Variants in ZBED6 observed in about 807,000 individuals in gnomAD.
The protein encoded by ZBED6 is zinc finger BED-type containing 6, also known as zinc finger BED domain-containing protein 6.
ZBED6 carries 40 observed loss-of-function variants against 58.4 expected under a neutral mutation model. That is an observed-to-expected ratio of 0.68 (90% CI 0.53 to 0.89). The LOEUF (loss-of-function observed/expected upper bound fraction) is 0.89, where lower values mean the gene tolerates loss of function less well. ZBED6 is among the 40% of genes least tolerant of loss of function. ZBED6 has a pLI of 0.00. For missense variants in ZBED6, 1,057 were observed against 1,003.9 expected (o/e 1.05, Z -0.71); for synonymous variants, 439 against 350.6 (o/e 1.25, Z -2.82).
At chr1:203,835,149 T>C (rs1038222727) in intron 9 of ZBED6, among the ~76,000 whole-genome samples, 5 of 152,250 alleles carry the variant, frequency 3.3e-5, no homozygotes, top group Non-Finnish European at 5.9e-5. Context: ...GAATCAGTTA[T>C]GCACTTTACG....
At chr1:203,830,339 T>C (rs1681851222) in intron 7 of ZBED6, 136 bp downstream of exon 7, 5 of 713,654 alleles carry the variant, frequency 7.0e-6, no homozygotes, top group Middle Eastern at 2.5e-4. Flanking sequence ...CACAGACTTA[T>C]TTAAATTGTG....
At chr1:203,806,310 T>C in intron 1 of ZBED6, 2 of 216,888 alleles carry the variant, frequency 9.2e-6, no homozygotes, top group South Asian at 1.1e-4. Context: ...TCTTTTTCCT[T>C]TTTTTTTTTG....
chr1:203,819,266 C>T (rs540813742), intron 3 of ZBED6, among the ~76,000 whole-genome samples: 16 of 148,138 alleles, frequency 1.1e-4, no homozygotes, highest in Middle Eastern at 3.5e-3. Flanking sequence ...CTGTCGCCCA[C>T]GCTGGAGTGC....
rs1169537860 is a variant in ZBED6 at position 203,847,518 on chromosome 1, T to A, written c.*4076T>A. The A allele has an allele frequency of 7.4e-6, 12 of 1,613,806 alleles. No individual in the cohort carries two copies. The African/African-American group carries it at 1.2e-4, about 16-fold the overall frequency. On this transcript the variant is annotated 3_prime_UTR_variant, in exon 12 of 17. Transcript: ENST00000550078. ...CCAGCAGAGGACAATCAGAGGAGCC[T>A]GCAGGTAAAACAAAGTCTATGCAGG...
At position 203,838,076 on chromosome 1, in the gene ZBED6, C is replaced by G; in HGVS notation, c.*3672+12C>G. On this transcript the variant is annotated intron_variant, in intron 10 of 16. Coordinates refer to ENST00000550078, the Ensembl canonical transcript of ZBED6. Reference sequence around the variant, plus strand: ...AACACCAAAGAAAGGTACCTGTGTTCTTACATACTTTGTGTGTGTATGTAA... The same window carrying G: ...AACACCAAAGAAAGGTACCTGTGTTGTTACATACTTTGTGTGTGTATGTAA... The G allele has an allele frequency of 1.9e-6, 3 of 1,612,020 alleles. No individual in the cohort carries two copies. The highest frequency in any genetic ancestry group is 2.5e-6 in the Non-Finnish European group (3 of 1,178,592).
At chr1:203,804,387 C>T (rs11240537) in intron 1 of ZBED6, among the ~76,000 whole-genome samples, 27,185 of 151,678 alleles carry the variant, frequency 0.18, 2,570 homozygotes, top group Middle Eastern at 0.25. Context: ...CTCCTGACCT[C>T]GTGATCCGCC....
chr1:203,814,834 CATTTGTTT>C (rs1230124649), intron 1 of ZBED6: 1 of 151,912 alleles, frequency 6.6e-6, no homozygotes, highest in Non-Finnish European at 1.5e-5. Context: ...TTTTTTAAAT[CATTTGTTT>C]ATTTTTGAGA....
exon 6 of ZBED6, chr1:203,829,828 C>A (rs1039672936): frequency 1.2e-6 from 2 of 1,613,942 alleles, no homozygotes; most frequent in East Asian, 2.2e-5. Context: ...ACCCTGCAAC[C>A]AACTCCTGAA....
chr1:203,833,612 G>C (rs1169080989), intron 8 of ZBED6, among the ~76,000 whole-genome samples, 179 bp from the exon 9 acceptor site: 2 of 96,392 alleles, frequency 2.1e-5, no homozygotes, highest in Non-Finnish European at 4.3e-5. Context: ...TTATTAATAG[G>C]TTTGGGTTTT....
chr1:203,819,024 G>A (rs893362126), intron 3 of ZBED6, among the ~76,000 whole-genome samples: 2 of 149,182 alleles, frequency 1.3e-5, no homozygotes, highest in Non-Finnish European at 3.0e-5. Flanking sequence ...AGCTGAGATC[G>A]CACCACTGCA....
rs570031919 is a variant in ZBED6 at position 203,851,652 on chromosome 1, T to C, written c.*4874-489T>C. The stretch of plus-strand genomic sequence containing the variant: ...GCCCCTGAAAGATGTCTTTAACACC[T>C]ACTTTGAGTTATAAAAATGCTTGGT... On this transcript the variant is annotated intron_variant, in intron 16 of 16. Transcript: ENST00000550078. Among the ~76,000 whole-genome samples, 2 of 152,184 alleles carry C rather than the reference T, an allele frequency of 1.3e-5. 1 individual carries two copies. Among genetic ancestry groups the C allele is most frequent in the South Asian group, 4.1e-4 (2 of 4,826 alleles).
intron 11 of ZBED6, among the ~76,000 whole-genome samples, chr1:203,846,337 A>G (rs1328889850): frequency 1.3e-5 from 2 of 152,188 alleles, no homozygotes; most frequent in African/African-American, 2.4e-5. Context: ...TTAGACAGAT[A>G]TAGAACGATT....
chr1:203,816,956 A>G, exon 2 of ZBED6: 1 of 611,378 alleles, frequency 1.6e-6, no homozygotes, highest in East Asian at 2.9e-5. Context: ...TTCTGTGATC[A>G]AGTTGTCATT....
At chr1:203,835,749 TC>T (rs1212253050) in intron 9 of ZBED6, 1 of 243,032 alleles carries the variant, frequency 4.1e-6, no homozygotes, top group Non-Finnish European at 9.1e-6. Context: ...CACTGTGTTG[TC>T]CTTTGCTTTG....
At chr1:203,830,925 A>ATTTTATTTTTTTT (rs1682066696) in intron 7 of ZBED6, among the ~76,000 whole-genome samples, 1 of 51,350 alleles carries the variant, frequency 1.9e-5, no homozygotes, top group Admixed American at 2.9e-4. Context: ...CCAACCCCCA[A>ATTTTATTTTTTTT]TTTTTTTTTT....
exon 17 of ZBED6, chr1:203,853,590 T>G (rs571700310): frequency 2.0e-5 from 3 of 152,694 alleles, no homozygotes; most frequent in African/African-American, 7.2e-5. Context: ...ACTTACCCAT[T>G]TTGATATTTT....
At chr1:203,796,202 A>T in exon 1 of ZBED6, 1 of 386,118 alleles carries the variant, frequency 2.6e-6, no homozygotes, top group Non-Finnish European at 4.6e-6. Context: ...TCTTCGGGGC[A>T]ACAGTTTCTC....
intron 3 of ZBED6, among the ~76,000 whole-genome samples, chr1:203,819,411 G>A (rs1296184914): frequency 6.6e-6 from 1 of 150,924 alleles, no homozygotes; most frequent in African/African-American, 2.4e-5. Context: ...TAGTAGAGAC[G>A]GGGTTTTACC....
chr1:203,837,454 C>CT (rs148758453), intron 9 of ZBED6, among the ~76,000 whole-genome samples: 18,340 of 143,780 alleles, frequency 0.13, 1,281 homozygotes, highest in Non-Finnish European at 0.15. Context: ...CCTTGTCTCT[C>CT]TTTTTTTTTT....
Sources: allele counts gnomAD v4.1 joint callset (sites outside exome capture counted in the v4.1 genomes callset), GRCh38; gene constraint gnomAD v4.1.1; transcripts MANE v1.5; gene names NCBI Gene and HGNC (gene_info 2026-07-23, HGNC 2026-07-21).